Variants in SV2C observed in about 807,000 individuals in gnomAD.
SV2C encodes solute carrier family 22 member B3.
In SV2C, 49 loss-of-function variants were observed where a neutral mutation model predicts 79.7. That is an observed-to-expected ratio of 0.61 (90% CI 0.49 to 0.78). The LOEUF is 0.78. Ranked by LOEUF, SV2C falls within the 30% of genes least tolerant of loss-of-function variation. The probability of loss-of-function intolerance (pLI) is 0.00; values close to 1 mark genes in which losing one functional copy is unlikely to be tolerated. For missense variants in SV2C, 833 were observed against 912.9 expected (o/e 0.91, Z 1.13); for synonymous variants, 334 against 333.2 (o/e 1.00, Z -0.03).
At chr5:75,939,066 A>G in the SV2C span, among the ~76,000 whole-genome samples, 6 of 152,198 alleles carry the variant, frequency 3.9e-5, no homozygotes, top group Admixed American at 1.3e-4. Flanking sequence ...CCTCCAGAGC[A>G]TGAAGTGCAA....
the SV2C span, among the ~76,000 whole-genome samples, chr5:75,983,399 G>A: frequency 3.3e-5 from 5 of 152,186 alleles, no homozygotes; most frequent in East Asian, 9.7e-4. Flanking sequence ...AAAAGCTGCA[G>A]AAAGAAGGTC....
At chr5:75,940,819 TA>T in the SV2C span, among the ~76,000 whole-genome samples, 1 of 152,192 alleles carries the variant, frequency 6.6e-6, no homozygotes, top group African/African-American at 2.4e-5. Context: ...GGTTACTTTA[TA>T]AATGAAGTAG....
At position 76,344,156 on chromosome 5, in the gene SV2C, G is replaced by A. The variant is rs1323013635; in HGVS notation, c.2001-8974G>A. Among the ~76,000 whole-genome samples, 3 of 152,056 alleles carry A rather than the reference G, an allele frequency of 2.0e-5. No homozygotes were observed. In the East Asian group the frequency reaches 5.8e-4, roughly 29 times the overall value. ...TGAATTATATATTCTACTTCTCCCT[G>A]TTTTCCAGCATTTTTATGATTCCTT... On this transcript the variant is annotated intron_variant, in intron 12 of 12. Transcript: ENST00000322285.
the SV2C span, among the ~76,000 whole-genome samples, chr5:76,015,680 G>A: frequency 5.3e-5 from 8 of 152,074 alleles, no homozygotes; most frequent in Non-Finnish European, 1.0e-4. Context: ...CAAACTATAA[G>A]AGAGGTAAGC....
At chr5:76,230,411 A>G (rs1019913265) in intron 4 of SV2C, among the ~76,000 whole-genome samples, 3 of 152,232 alleles carry the variant, frequency 2.0e-5, no homozygotes, top group African/African-American at 7.2e-5. Context: ...CTCTGCACCT[A>G]AGGTTGAAAA....
the SV2C span, among the ~76,000 whole-genome samples, chr5:75,858,914 A>G: frequency 1.8e-4 from 28 of 151,900 alleles, no homozygotes; most frequent in Non-Finnish European, 2.8e-4. Context: ...GATCCATTGA[A>G]TTTCTGTGGT....
chr5:76,237,340 T>C (rs943072820), intron 4 of SV2C, among the ~76,000 whole-genome samples: 3 of 152,244 alleles, frequency 2.0e-5, no homozygotes, highest in Non-Finnish European at 4.4e-5. Flanking sequence ...TTTCACAAAT[T>C]CTTCCCATAT....
the SV2C span, among the ~76,000 whole-genome samples, chr5:76,008,398 C>T: frequency 6.6e-6 from 1 of 152,106 alleles, no homozygotes; most frequent in Non-Finnish European, 1.5e-5. Flanking sequence ...CACCTATATC[C>T]ACAGAGACAA....
chr5:76,047,712 A>C, the SV2C span, among the ~76,000 whole-genome samples: 1 of 151,772 alleles, frequency 6.6e-6, no homozygotes. Flanking sequence ...CAAGAGATCT[A>C]TTGTATAACA....
At chr5:76,016,254 T>TAAAAAAAAAAAAAAAAAAAAAAAAAAA in the SV2C span, among the ~76,000 whole-genome samples, 13 of 90,362 alleles carry the variant, frequency 1.4e-4, no homozygotes, top group African/African-American at 5.1e-4. Flanking sequence ...TTTAATTTTC[T>TAAAAAAAAAAAAAAAAAAAAAAAAAAA]AAAAAAAAAA....
intron 12 of SV2C, among the ~76,000 whole-genome samples, chr5:76,320,057 A>G (rs1326948405): frequency 1.3e-5 from 2 of 152,142 alleles, no homozygotes; most frequent in African/African-American, 2.4e-5. Flanking sequence ...CATACCTGTA[A>G]TCCCAGCACT....
intron 2 of SV2C, among the ~76,000 whole-genome samples, chr5:76,171,932 A>G (rs1294217096): frequency 1.1e-5 from 1 of 91,478 alleles, no homozygotes; most frequent in Non-Finnish European, 2.3e-5. Flanking sequence ...TCCGGGAGGG[A>G]GGTAGGGGGG....
At chr5:76,013,423 A>T in the SV2C span, among the ~76,000 whole-genome samples, 8 of 152,162 alleles carry the variant, frequency 5.3e-5, no homozygotes, top group Non-Finnish European at 1.2e-4. Flanking sequence ...TTATTGGTGT[A>T]TAAGAATGCT....
chr5:75,947,392 C>G, the SV2C span, among the ~76,000 whole-genome samples: 2 of 152,020 alleles, frequency 1.3e-5, no homozygotes, highest in South Asian at 4.2e-4. Context: ...CACACTCTCC[C>G]TACTATCTAT....
At chr5:76,075,666 G>C in the SV2C span, 13 of 317,374 alleles carry the variant, frequency 4.1e-5, no homozygotes. Flanking sequence ...ATGCAACCTT[G>C]AATTAACTGA....
chr5:76,182,986 G>A (rs1004119905), intron 2 of SV2C, among the ~76,000 whole-genome samples: 2 of 149,580 alleles, frequency 1.3e-5, no homozygotes, highest in East Asian at 2.0e-4. Context: ...AGTAGGGGGA[G>A]GTGCCACATA....
chr5:76,155,643 G>T (rs958885770), intron 2 of SV2C, among the ~76,000 whole-genome samples: 2 of 152,142 alleles, frequency 1.3e-5, no homozygotes, highest in Non-Finnish European at 2.9e-5. Context: ...GGCGTGCTGA[G>T]AATCCTGGGA....
intron 1 of SV2C, among the ~76,000 whole-genome samples, chr5:76,122,734 G>A (rs1748559827): frequency 6.6e-6 from 1 of 151,772 alleles, no homozygotes; most frequent in African/African-American, 2.4e-5. Flanking sequence ...GTGTGTAGAG[G>A]GAAATTTATA....
the SV2C span, among the ~76,000 whole-genome samples, chr5:76,036,665 G>T: frequency 6.6e-6 from 1 of 152,102 alleles, no homozygotes; most frequent in Non-Finnish European, 1.5e-5. Flanking sequence ...TTTGTCTCTG[G>T]CTGCCTTTAA....
Sources: gnomAD v4.1 joint callset for allele counts (sites outside exome capture counted in the v4.1 genomes callset) on GRCh38, gnomAD v4.1.1 for gene constraint, MANE v1.5 for transcripts, NCBI Gene and HGNC (gene_info 2026-07-23, HGNC 2026-07-21) for gene names.